The following FBXO4 variants were observed in gnomAD, a reference collection of about 807,000 sequenced individuals.
FBXO4 encodes the protein F-box only protein 4.
FBXO4 carries 36 observed loss-of-function variants against 43.7 expected under a neutral mutation model. That is an observed-to-expected ratio of 0.82 (90% CI 0.63 to 1.09). The LOEUF is 1.09. Ranked by LOEUF, FBXO4 falls within the 50% of genes least tolerant of loss-of-function variation. FBXO4 has a pLI of 0.00. For missense variants in FBXO4, 435 were observed against 474.1 expected, an observed-to-expected ratio of 0.92 and a Z score of 0.77; for synonymous variants, 180 against 165.6, an observed-to-expected ratio of 1.09 and a Z score of -0.67.
chr5:42,004,062 C>G, the FBXO4 span, among the ~76,000 whole-genome samples: 180 of 152,262 alleles, frequency 1.2e-3, 1 homozygote, highest in Middle Eastern at 0.014. Flanking sequence ...AGGATGAGTT[C>G]ATGTCCTTTG....
At chr5:41,936,893 A>C (rs1751864481) in intron 5 of FBXO4, among the ~76,000 whole-genome samples, 2 of 151,994 alleles carry the variant, frequency 1.3e-5, no homozygotes, top group Non-Finnish European at 2.9e-5. Flanking sequence ...TATGAACCAT[A>C]CAGTTTTTTT....
At position 41,933,430 on chromosome 5, in the gene FBXO4, T is replaced by C. The variant is rs538643877; in HGVS notation, c.647-516T>C. ...TGAGGTTCTCACTATGTTGTCTAGG[T>C]TGGTCTTGAACTCTTAGCCTCAAGT... On this transcript the variant is annotated intron_variant, in intron 3 of 6. Coordinates refer to ENST00000281623, the MANE Select transcript of FBXO4 (RefSeq NM_012176.3). Among the ~76,000 whole-genome samples the C allele has an allele frequency of 2.6e-4, 39 of 152,232 alleles. 2 individuals carry two copies. The highest frequency in any genetic ancestry group is 9.2e-4 in the Admixed American group (14 of 15,294).
chr5:42,012,731 G>A, the FBXO4 span, among the ~76,000 whole-genome samples: 1 of 152,066 alleles, frequency 6.6e-6, no homozygotes, highest in Non-Finnish European at 1.5e-5. Flanking sequence ...GGCAGTATGT[G>A]CAAGGGTTAA....
the FBXO4 span, among the ~76,000 whole-genome samples, chr5:42,018,747 T>C: frequency 6.6e-6 from 1 of 152,150 alleles, no homozygotes; most frequent in Non-Finnish European, 1.5e-5. Context: ...AGAAAGAAGT[T>C]TTTCTCTTTA....
the FBXO4 span, among the ~76,000 whole-genome samples, chr5:42,005,512 TATTCTC>T: frequency 6.6e-6 from 1 of 152,210 alleles, no homozygotes; most frequent in Non-Finnish European, 1.5e-5. Context: ...ACTCAGCTGA[TATTCTC>T]TAATCACTGA....
chr5:42,003,282 T>A, the FBXO4 span, among the ~76,000 whole-genome samples: 3 of 152,216 alleles, frequency 2.0e-5, no homozygotes, highest in African/African-American at 7.2e-5. Flanking sequence ...ACCTCTTGTG[T>A]GATGAAGGAT....
chr5:42,034,002 T>A, the FBXO4 span, among the ~76,000 whole-genome samples: 33 of 152,252 alleles, frequency 2.2e-4, no homozygotes, highest in Admixed American at 3.9e-4. Flanking sequence ...GCATTCCTAG[T>A]TATCCACAGC....
At chr5:41,942,722 C>T (rs1210637768), downstream of FBXO4, among the ~76,000 whole-genome samples, 1 of 151,936 alleles carries the variant, frequency 6.6e-6, no homozygotes, top group East Asian at 1.9e-4. Flanking sequence ...ATGGTCTTTT[C>T]CTAGTCCTAA....
chr5:41,965,269 C>G, the FBXO4 span, among the ~76,000 whole-genome samples: 8 of 152,212 alleles, frequency 5.3e-5, no homozygotes, highest in African/African-American at 1.9e-4. Flanking sequence ...CAGTACCATG[C>G]TGTTTTTGTT....
At chr5:41,977,062 G>A in the FBXO4 span, among the ~76,000 whole-genome samples, 1 of 152,194 alleles carries the variant, frequency 6.6e-6, no homozygotes, top group Non-Finnish European at 1.5e-5. Context: ...GCTGGGATGT[G>A]GGGAGCAGTG....
At chr5:41,974,650 C>T in the FBXO4 span, among the ~76,000 whole-genome samples, 1 of 152,034 alleles carries the variant, frequency 6.6e-6, no homozygotes, top group African/African-American at 2.4e-5. Context: ...AAATTACCTG[C>T]CTGATCCTGC....
intron 3 of FBXO4, 63 bp from the exon 4 acceptor site, chr5:41,933,883 C>A: frequency 7.3e-7 from 1 of 1,365,702 alleles, no homozygotes. Context: ...GGGTAATTTT[C>A]AGTGTGATCT....
chr5:41,983,772 C>T, the FBXO4 span, among the ~76,000 whole-genome samples: 1 of 151,948 alleles, frequency 6.6e-6, no homozygotes, highest in Non-Finnish European at 1.5e-5. Context: ...TTCTCCTTTT[C>T]AGTTTTTAAA....
chr5:41,985,296 G>A, the FBXO4 span, among the ~76,000 whole-genome samples: 2 of 152,134 alleles, frequency 1.3e-5, no homozygotes, highest in African/African-American at 4.8e-5. Context: ...ACAGAGCCTA[G>A]AACATTATAT....
the FBXO4 span, among the ~76,000 whole-genome samples, chr5:41,976,800 G>A: frequency 6.6e-6 from 1 of 152,180 alleles, no homozygotes; most frequent in East Asian, 1.9e-4. Context: ...GCTCCAGTAG[G>A]CCATGTCTGT....
chr5:42,028,564 T>G, the FBXO4 span, among the ~76,000 whole-genome samples: 1 of 151,872 alleles, frequency 6.6e-6, no homozygotes, highest in African/African-American at 2.4e-5. Context: ...CCTGCCATTT[T>G]GCTATGTGTT....
the FBXO4 span, among the ~76,000 whole-genome samples, chr5:42,026,243 A>C: frequency 2.0e-5 from 3 of 151,832 alleles, no homozygotes; most frequent in South Asian, 4.1e-4. Flanking sequence ...TGCCTTATAG[A>C]GATCTTTCAC....
At chr5:41,965,410 A>G in the FBXO4 span, among the ~76,000 whole-genome samples, 13 of 152,194 alleles carry the variant, frequency 8.5e-5, 3 homozygotes, top group African/African-American at 2.9e-4. Context: ...TTTTTTTCCA[A>G]TTCTGTGAAG....
intron 5 of FBXO4, chr5:41,934,901 A>G (rs896133485): frequency 2.0e-6 from 2 of 984,372 alleles, no homozygotes; most frequent in Middle Eastern, 5.2e-4. Flanking sequence ...TATCTTTCCC[A>G]AATCCTTTGT....
Sources: allele counts gnomAD v4.1 joint callset (sites outside exome capture counted in the v4.1 genomes callset), GRCh38; gene constraint gnomAD v4.1.1; transcripts MANE v1.5; gene names NCBI Gene and HGNC (gene_info 2026-07-23, HGNC 2026-07-21).